Variants in PDE4D observed in about 807,000 individuals in gnomAD.
PDE4D encodes 3',5'-cyclic-AMP phosphodiesterase 4D.
In PDE4D, 24 loss-of-function variants were observed where a neutral mutation model predicts 87.4. That is an observed-to-expected ratio of 0.27 (90% CI 0.20 to 0.39). PDE4D has a LOEUF of 0.39. Ranked by LOEUF, PDE4D falls within the 10% of genes least tolerant of loss-of-function variation. The pLI is 1.00. For missense variants in PDE4D, 714 were observed against 1,041.0 expected, an observed-to-expected ratio of 0.69 and a Z score of 4.32; for synonymous variants, 384 against 383.2, an observed-to-expected ratio of 1.00 and a Z score of -0.02.
chr5:60,065,669 T>A (rs1771976651), intron 2 of PDE4D, among the ~76,000 whole-genome samples: 1 of 152,054 alleles, frequency 6.6e-6, no homozygotes, highest in South Asian at 2.1e-4. Flanking sequence ...TTCCCACCTA[T>A]GAGTGAGAAT....
At chr5:59,651,418 G>A (rs1423572821) in intron 1 of PDE4D, among the ~76,000 whole-genome samples, 1 of 151,518 alleles carries the variant, frequency 6.6e-6, no homozygotes, top group Admixed American at 6.6e-5. Context: ...CTCAATAAAT[G>A]TTCTTTATTT....
chr5:59,164,271 A>T (rs1379229704), intron 5 of PDE4D, among the ~76,000 whole-genome samples: 5 of 152,242 alleles, frequency 3.3e-5, no homozygotes, highest in African/African-American at 1.2e-4. Context: ...AGAGAAATTC[A>T]GTTGTTTTCT....
chr5:59,872,346 A>G (rs538046122), intron 1 of PDE4D, among the ~76,000 whole-genome samples: 34 of 152,158 alleles, frequency 2.2e-4, no homozygotes, highest in Non-Finnish European at 3.5e-4. Flanking sequence ...CTTGCAGGAA[A>G]TTATTCCTAA....
At chr5:60,024,464 T>C (rs1766412791) in intron 2 of PDE4D, among the ~76,000 whole-genome samples, 2 of 152,210 alleles carry the variant, frequency 1.3e-5, no homozygotes, top group African/African-American at 4.8e-5. Flanking sequence ...ACAGTTTCAA[T>C]TAGAAATTTA....
chr5:60,487,012 T>G (rs567991044), intron 1 of PDE4D, among the ~76,000 whole-genome samples: 1 of 152,344 alleles, frequency 6.6e-6, no homozygotes, highest in East Asian at 1.9e-4. Context: ...GGGAAATCAA[T>G]AATGATTTAA....
intron 5 of PDE4D, among the ~76,000 whole-genome samples, chr5:59,112,975 A>AT (rs1183234671): frequency 6.6e-6 from 1 of 151,508 alleles, no homozygotes; most frequent in East Asian, 1.9e-4. Context: ...TAATTTTTGT[A>AT]TTTTTAGTAG....
chr5:60,294,216 A>C (rs930630650), intron 1 of PDE4D, among the ~76,000 whole-genome samples: 5 of 152,104 alleles, frequency 3.3e-5, no homozygotes, highest in African/African-American at 1.2e-4. Flanking sequence ...TTCATTGGCC[A>C]TTTGTATATT....
At position 59,508,582 on chromosome 5, in the gene PDE4D, G is replaced by C. The variant is rs116244095; in HGVS notation, c.456-292614C>G. On this transcript the variant is annotated intron_variant, in intron 1 of 14. Coordinates refer to ENST00000340635, the MANE Select transcript of PDE4D (RefSeq NM_001104631.2). ...ATGCATAAAAAAAATAAACTTGCCT[G>C]AGAGACAATCAGTGGAATAAACTGC... is the stretch of plus-strand genomic sequence containing the variant. 6.6e-3 allele frequency among the ~76,000 whole-genome samples: 1,008 copies of C among 152,002 alleles called. 14 individuals are homozygous for C. The highest frequency in any genetic ancestry group is 0.05 in the East Asian group (261 of 5,178).
intron 3 of PDE4D, among the ~76,000 whole-genome samples, chr5:59,932,036 G>A (rs1466178287): frequency 6.6e-6 from 1 of 152,162 alleles, no homozygotes; most frequent in African/African-American, 2.4e-5. Flanking sequence ...TTTTAGAGAA[G>A]ACAAATATTC....
rs183824660 is a variant in PDE4D, at chr5:60,115,189, G to T, written c.42+70368C>A. On this transcript the variant is annotated intron_variant, in intron 2 of 16. Coordinates refer to the PDE4D transcript ENST00000502484. ...TGTGGGGTACACTGTTAACATAAAA[G>T]AATTTCCAAGGTCTCCCTCTGGAAG... Among the ~76,000 whole-genome samples the T allele has an allele frequency of 7.0e-4, 107 of 152,160 alleles. 1 individual carries two copies. The highest frequency in any genetic ancestry group is 1.0e-4 in the Non-Finnish European group (7 of 67,966).
intron 1 of PDE4D, among the ~76,000 whole-genome samples, chr5:59,423,235 C>A (rs929539928): frequency 6.6e-6 from 1 of 152,142 alleles, no homozygotes; most frequent in Non-Finnish European, 1.5e-5. Flanking sequence ...CCTCATCATC[C>A]CCAGGGAAGC....
At chr5:59,006,090 A>T (rs1435003487) in intron 6 of PDE4D, among the ~76,000 whole-genome samples, 1 of 152,224 alleles carries the variant, frequency 6.6e-6, no homozygotes, top group Non-Finnish European at 1.5e-5. Context: ...CTGCCCTCAT[A>T]TGCAGATGTA....
intron 1 of PDE4D, among the ~76,000 whole-genome samples, chr5:60,407,443 CCTTTTTT>C (rs1741644581): frequency 7.8e-6 from 1 of 128,674 alleles, no homozygotes; most frequent in Non-Finnish European, 1.6e-5. Context: ...TTTTCTTTTT[CCTTTTTT>C]TTTTTTTTTT....
chr5:60,464,996 C>T (rs537426156), intron 1 of PDE4D, among the ~76,000 whole-genome samples: 1 of 152,068 alleles, frequency 6.6e-6, no homozygotes, highest in East Asian at 1.9e-4. Flanking sequence ...GTAGTCCCAG[C>T]TATTTGGGAG....
chr5:59,703,240 T>C (rs916299214), intron 1 of PDE4D, among the ~76,000 whole-genome samples: 5 of 152,220 alleles, frequency 3.3e-5, no homozygotes, highest in Non-Finnish European at 5.9e-5. Context: ...TTATATAAAC[T>C]ACAAAGAATT....
intron 2 of PDE4D, among the ~76,000 whole-genome samples, chr5:60,001,254 G>A (rs1763985551): frequency 6.6e-6 from 1 of 152,210 alleles, no homozygotes; most frequent in African/African-American, 2.4e-5. Flanking sequence ...GTTAAAATCA[G>A]CCTGTAAAGA....
intron 1 of PDE4D, among the ~76,000 whole-genome samples, chr5:59,591,567 GAAATA>G (rs1561281147): frequency 6.6e-6 from 1 of 152,080 alleles, no homozygotes; most frequent in Non-Finnish European, 1.5e-5. Context: ...ATAACTTGAT[GAAATA>G]AAACTCCTGT....
intron 1 of PDE4D, among the ~76,000 whole-genome samples, chr5:59,282,167 T>C (rs1266182759): frequency 6.6e-6 from 1 of 152,182 alleles, no homozygotes; most frequent in African/African-American, 2.4e-5. Flanking sequence ...TAGCTTCCTG[T>C]ATTTAATCAA....
At chr5:59,901,726 C>T (rs943938471) in intron 3 of PDE4D, among the ~76,000 whole-genome samples, 4 of 152,078 alleles carry the variant, frequency 2.6e-5, no homozygotes, top group Admixed American at 1.3e-4. Flanking sequence ...AGTGAGAGGA[C>T]ATTTTATGTC....
Sources: gnomAD v4.1 joint callset for allele counts (sites outside exome capture counted in the v4.1 genomes callset) on GRCh38, gnomAD v4.1.1 for gene constraint, MANE v1.5 for transcripts, NCBI Gene and HGNC (gene_info 2026-07-23, HGNC 2026-07-21) for gene names.